Variants in CCDC178 observed in about 807,000 individuals in gnomAD.
CCDC178 encodes coiled-coil domain containing 178, also known as coiled-coil domain-containing protein 178.
In CCDC178, 126 loss-of-function variants were observed where a neutral mutation model predicts 117.4. That is an observed-to-expected ratio of 1.07 (90% CI 0.93 to 1.24). CCDC178 has a LOEUF of 1.24. Ranked by LOEUF, CCDC178 falls within the 50% of genes most tolerant of loss-of-function variation. The probability of loss-of-function intolerance (pLI) is 0.00; values close to 1 mark genes in which losing one functional copy is unlikely to be tolerated. For synonymous variants in CCDC178, 283 were observed against 313.4 expected (o/e 0.90, Z 1.02); for missense variants, 1,030 against 986.9 (o/e 1.04, Z -0.59).
chr18:33,085,231 T>C (rs755079649), intron 21 of CCDC178, among the ~76,000 whole-genome samples: 2 of 152,222 alleles, frequency 1.3e-5, no homozygotes, highest in Non-Finnish European at 2.9e-5. Context: ...ATGCAAAATA[T>C]AGTTTGTAAA....
At chr18:33,360,965 C>T (rs1265120140) in intron 6 of CCDC178, among the ~76,000 whole-genome samples, 1 of 151,430 alleles carries the variant, frequency 6.6e-6, no homozygotes, top group Non-Finnish European at 1.5e-5. Flanking sequence ...ATTCCAATGA[C>T]TATTTTCACA....
At chr18:33,139,001 G>A (rs73419438) in intron 20 of CCDC178, among the ~76,000 whole-genome samples, 5,981 of 152,264 alleles carry the variant, frequency 0.039, 389 homozygotes, top group African/African-American at 0.13. Context: ...CAATTCCCAC[G>A]TGTCATAACA....
chr18:33,314,081 A>G lies in CCDC178; in HGVS notation c.1022+9410T>C, dbSNP rs113694966. Among the ~76,000 whole-genome samples, 1,366 of 149,486 alleles carry G rather than the reference A, an allele frequency of 9.1e-3. 17 individuals carry two copies. The highest frequency in any genetic ancestry group is 0.031 in the African/African-American group (1,281 of 40,746). On this transcript the variant is annotated intron_variant, in intron 11 of 22. Coordinates refer to ENST00000383096, the MANE Select transcript of CCDC178 (RefSeq NM_001105528.4). ...CCGGGCGTAGTGGCGGGCGCCTGTA[A>G]TCCCAGCTACTTGGGAGGCTGAGGC...
intron 6 of CCDC178, among the ~76,000 whole-genome samples, chr18:33,357,419 G>A (rs2144717248): frequency 6.6e-6 from 1 of 152,132 alleles, no homozygotes; most frequent in African/African-American, 2.4e-5. Flanking sequence ...TTCTGACCTT[G>A]TCTCTGTGAT....
At chr18:33,131,160 G>A (rs865775175) in intron 20 of CCDC178, among the ~76,000 whole-genome samples, 2 of 151,852 alleles carry the variant, frequency 1.3e-5, no homozygotes, top group Non-Finnish European at 2.9e-5. Flanking sequence ...TAGAATTCAT[G>A]ATGATTAATT....
chr18:33,025,314 A>C (rs191264588), intron 21 of CCDC178, among the ~76,000 whole-genome samples: 1 of 152,306 alleles, frequency 6.6e-6, no homozygotes, highest in African/African-American at 2.4e-5. Flanking sequence ...CTAGACAAAA[A>C]TATCTTTGGG....
chr18:33,304,758 T>C (rs2062225688), intron 11 of CCDC178, among the ~76,000 whole-genome samples: 2 of 152,152 alleles, frequency 1.3e-5, no homozygotes, highest in South Asian at 4.1e-4. Flanking sequence ...AGCTTTATTA[T>C]AATGTCATTT....
At chr18:33,258,487 C>T (rs1300557107) in intron 14 of CCDC178, among the ~76,000 whole-genome samples, 1 of 152,182 alleles carries the variant, frequency 6.6e-6, no homozygotes, top group Non-Finnish European at 1.5e-5. Flanking sequence ...GCAGAGTCCT[C>T]AACCCTGCCC....
intron 2 of CCDC178, among the ~76,000 whole-genome samples, chr18:33,416,015 C>T (rs1191015150): frequency 6.6e-6 from 1 of 152,054 alleles, no homozygotes; most frequent in Non-Finnish European, 1.5e-5. Context: ...TGGGTATAGA[C>T]AAAATAAAGC....
intron 2 of CCDC178, among the ~76,000 whole-genome samples, chr18:33,428,827 T>C (rs1311360623): frequency 3.3e-5 from 4 of 120,150 alleles, no homozygotes; most frequent in Non-Finnish European, 5.4e-5. Context: ...TGAAAAAAAG[T>C]AAAAAAAAAA....
intron 14 of CCDC178, among the ~76,000 whole-genome samples, chr18:33,249,449 G>T (rs1218282308): frequency 6.6e-6 from 1 of 152,038 alleles, no homozygotes; most frequent in Non-Finnish European, 1.5e-5. Flanking sequence ...TTTGTATAAG[G>T]TGTAAGGAAG....
intron 21 of CCDC178, among the ~76,000 whole-genome samples, chr18:33,050,250 A>G (rs1371075927): frequency 1.3e-5 from 2 of 152,134 alleles, no homozygotes; most frequent in African/African-American, 4.8e-5. Flanking sequence ...TCATTTTCTT[A>G]TAATGTTATA....
intron 9 of CCDC178, among the ~76,000 whole-genome samples, chr18:33,337,722 C>T (rs773929195): frequency 6.6e-5 from 10 of 152,142 alleles, no homozygotes; most frequent in Admixed American, 4.6e-4. Context: ...AAGAATGAAA[C>T]TAGATCCTCA....
At chr18:33,166,504 G>T (rs565758537) in intron 20 of CCDC178, among the ~76,000 whole-genome samples, 5 of 151,856 alleles carry the variant, frequency 3.3e-5, no homozygotes, top group Non-Finnish European at 7.4e-5. Context: ...CCTTAAACTC[G>T]TTTTTCAGGG....
rs2062295114 is a variant in CCDC178 at position 33,308,828 on chromosome 18, TGAA to T, written c.1022+14660_1022+14662del. Among the ~76,000 whole-genome samples, 6 of 152,288 alleles carry T rather than the reference TGAA, an allele frequency of 3.9e-5. No individual in the cohort carries two copies. In the South Asian group the frequency reaches 1.2e-3, roughly 32 times the overall value. ...TCTCATACTTCTTCCTGCCACCATGTGAAGAAGGATGTGTTTGCTTCCCTTTCC... is the reference window on the plus strand; with the variant it reads ...TCTCATACTTCTTCCTGCCACCATGTGAAGGATGTGTTTGCTTCCCTTTCC... On this transcript the variant is annotated intron_variant, in intron 11 of 22. Coordinates refer to ENST00000383096, the MANE Select transcript of CCDC178 (RefSeq NM_001105528.4).
chr18:33,382,321 T>C, intron 5 of CCDC178, among the ~76,000 whole-genome samples: 1 of 152,172 alleles, frequency 6.6e-6, no homozygotes, highest in Non-Finnish European at 1.5e-5. Context: ...TCAGAGATAA[T>C]GTTTATAGAT....
chr18:33,262,940 C>A (rs1472593505), intron 14 of CCDC178, among the ~76,000 whole-genome samples: 5 of 152,152 alleles, frequency 3.3e-5, no homozygotes, highest in Non-Finnish European at 4.4e-5. Context: ...TAAACTCCAG[C>A]TGTGGGACTT....
intron 20 of CCDC178, among the ~76,000 whole-genome samples, chr18:33,117,268 T>C (rs1020296510): frequency 1.3e-5 from 2 of 152,114 alleles, no homozygotes; most frequent in Non-Finnish European, 2.9e-5. Flanking sequence ...ATTAGCCTCT[T>C]TTCTCAACCA....
intron 20 of CCDC178, among the ~76,000 whole-genome samples, chr18:33,117,434 C>T (rs547173902): frequency 9.9e-5 from 15 of 152,114 alleles, no homozygotes; most frequent in African/African-American, 3.1e-4. Flanking sequence ...CTGCCAGCAA[C>T]GTAGACCAAC....
Sources: allele counts gnomAD v4.1 joint callset (sites outside exome capture counted in the v4.1 genomes callset), GRCh38; gene constraint gnomAD v4.1.1; transcripts MANE v1.5; gene names NCBI Gene and HGNC (gene_info 2026-07-23, HGNC 2026-07-21).